The following CCDC138 variants were observed in gnomAD, a reference collection of about 807,000 sequenced individuals.
The protein encoded by CCDC138 is coiled-coil domain containing 138, also known as coiled-coil domain-containing protein 138.
Under a neutral mutation model 82.3 loss-of-function variants are expected in CCDC138, and 66 were observed. The ratio of observed to expected loss-of-function variants is 0.80; its 90% CI spans 0.66 to 0.98. The LOEUF is 0.98. Among genes scored for constraint, CCDC138 ranks in the 50% least tolerant of loss-of-function variants. CCDC138 has a pLI of 0.00. For missense variants in CCDC138, 816 were observed against 758.9 expected (o/e 1.08, Z -0.88); for synonymous variants, 297 against 265.4 (o/e 1.12, Z -1.16).
intron 10 of CCDC138, among the ~76,000 whole-genome samples, chr2:108,818,616 C>T (rs894736768): frequency 1.3e-5 from 2 of 152,090 alleles, no homozygotes; most frequent in East Asian, 1.9e-4. Flanking sequence ...TACTTGTGGC[C>T]ATCGCAAGCA....
At chr2:108,804,351 A>C (rs181246523) in intron 6 of CCDC138, among the ~76,000 whole-genome samples, 12 of 152,318 alleles carry the variant, frequency 7.9e-5, no homozygotes, top group African/African-American at 2.6e-4. Flanking sequence ...AGAGTCAAAT[A>C]GTTTGGGGCT....
intron 3 of CCDC138, 60 bp from the exon 4 acceptor site, chr2:108,791,615 A>G: frequency 6.4e-7 from 1 of 1,555,740 alleles, no homozygotes; most frequent in Non-Finnish European, 8.8e-7. Context: ...AAGCAGTTTT[A>G]TCTTTTTAAA....
At chr2:108,817,773 T>C (rs959130109) in intron 10 of CCDC138, among the ~76,000 whole-genome samples, 1 of 152,224 alleles carries the variant, frequency 6.6e-6, no homozygotes, top group Non-Finnish European at 1.5e-5. Context: ...TTTGGCTGGC[T>C]GAGACCCATT....
At chr2:108,812,502 A>G in intron 7 of CCDC138, 129 bp from the exon 8 acceptor site, 1 of 669,124 alleles carries the variant, frequency 1.5e-6, no homozygotes, top group Non-Finnish European at 2.6e-6. Context: ...TAAGTTAATC[A>G]TGAATGCTGT....
intron 13 of CCDC138, among the ~76,000 whole-genome samples, chr2:108,862,901 A>G (rs1016815571): frequency 1.3e-5 from 2 of 151,888 alleles, no homozygotes; most frequent in Non-Finnish European, 2.9e-5. Flanking sequence ...AAATATTACA[A>G]GGACATACTT....
Position 108,807,522 on chromosome 2 carries a change from C to T in CCDC138, c.855+2514C>T, listed in dbSNP as rs373730241. Among the ~76,000 whole-genome samples, 32 of 152,300 alleles carry T rather than the reference C, an allele frequency of 2.1e-4. No homozygotes were observed. The South Asian group carries it at 6.6e-3, about 32-fold the overall frequency. ...GTATTGGAAATATTCAAAATCCTCT[C>T]TTTATCTATGTGAAAATATACCATA... On this transcript the variant is annotated intron_variant, in intron 7 of 14. Coordinates refer to ENST00000295124, the MANE Select transcript of CCDC138 (RefSeq NM_144978.3).
chr2:108,856,836 TGAA>T lies in CCDC138; in HGVS notation c.1562_1564del (p.Lys521del), dbSNP rs1404224983. The stretch of plus-strand genomic sequence containing the variant: ...GCATTTGATTCTCTTTGTTTGGACT[TGAA>T]GACAGAAGAAGGAAAAACCTTGTTT... On this transcript the variant is annotated inframe_deletion, in exon 13 of 15. Transcript: ENST00000295124. 2 of 1,613,508 alleles carry T rather than the reference TGAA, an allele frequency of 1.2e-6. No homozygotes were observed. Among genetic ancestry groups the T allele is most frequent in the African/African-American group, 2.7e-5 (2 of 74,896 alleles).
At chr2:108,817,417 C>T (rs1231578537) in intron 10 of CCDC138, among the ~76,000 whole-genome samples, 1 of 152,062 alleles carries the variant, frequency 6.6e-6, no homozygotes, top group African/African-American at 2.4e-5. Flanking sequence ...CTCAGTCTCC[C>T]AAGTAGCTGA....
chr2:108,804,355 T>G (rs1316316504), intron 6 of CCDC138, among the ~76,000 whole-genome samples: 1 of 152,194 alleles, frequency 6.6e-6, no homozygotes, highest in Non-Finnish European at 1.5e-5. Context: ...TCAAATAGTT[T>G]GGGGCTAAGA....
intron 13 of CCDC138, among the ~76,000 whole-genome samples, chr2:108,870,395 T>G (rs1396462446): frequency 6.6e-6 from 1 of 152,158 alleles, no homozygotes; most frequent in Non-Finnish European, 1.5e-5. Context: ...GTTGATGCAT[T>G]ACTGGAGTCC....
At chr2:108,879,514 C>A (rs372175456), downstream of CCDC138, among the ~76,000 whole-genome samples, 2 of 152,098 alleles carry the variant, frequency 1.3e-5, no homozygotes, top group African/African-American at 4.8e-5. Context: ...GAAATTAATA[C>A]CAACTGCATA....
intron 5 of CCDC138, among the ~76,000 whole-genome samples, chr2:108,797,325 G>A (rs1333405803): frequency 6.6e-6 from 1 of 152,170 alleles, no homozygotes; most frequent in Non-Finnish European, 1.5e-5. Context: ...ACCAATGAAG[G>A]AGAGCATTTT....
chr2:108,880,981 G>C (rs1016038949), downstream of CCDC138, among the ~76,000 whole-genome samples: 1 of 152,212 alleles, frequency 6.6e-6, no homozygotes, highest in Admixed American at 6.5e-5. Context: ...CAGGAATTTG[G>C]AAAGAGTTGA....
intron 13 of CCDC138, among the ~76,000 whole-genome samples, chr2:108,870,202 A>G (rs1695016247): frequency 1.3e-5 from 2 of 152,240 alleles, no homozygotes; most frequent in Non-Finnish European, 1.5e-5. Context: ...GAACTGGAAA[A>G]TACAGTAGCT....
chr2:108,828,704 C>T (rs751748980), intron 10 of CCDC138, among the ~76,000 whole-genome samples: 25 of 152,092 alleles, frequency 1.6e-4, no homozygotes, highest in African/African-American at 5.6e-4. Flanking sequence ...CTCGGCTGGG[C>T]GTGGTGGTTC....
rs567231713 is a variant in CCDC138 at position 108,848,962 on chromosome 2, A to G, written c.1516+2032A>G. On this transcript the variant is annotated intron_variant, in intron 12 of 14. Coordinates refer to ENST00000295124, the MANE Select transcript of CCDC138 (RefSeq NM_144978.3). ...TAGACAAGTCTTTACTGCAGTTATTATAACTATATCCCTGTGTTCAAGAAG... is the reference window on the plus strand; with the variant it reads ...TAGACAAGTCTTTACTGCAGTTATTGTAACTATATCCCTGTGTTCAAGAAG... Among the ~76,000 whole-genome samples, 7 of 152,344 alleles carry G rather than the reference A, an allele frequency of 4.6e-5. No homozygotes were observed. The East Asian group carries it at 9.6e-4, about 21-fold the overall frequency.
At chr2:108,831,060 A>G (rs1279118097) in intron 10 of CCDC138, among the ~76,000 whole-genome samples, 9 of 152,088 alleles carry the variant, frequency 5.9e-5, no homozygotes, top group Admixed American at 5.9e-4. Context: ...CTGTAATCCC[A>G]GCTACTCATG....
intron 7 of CCDC138, 147 bp from the exon 8 acceptor site, chr2:108,812,484 T>C (rs1466938949): frequency 1.6e-6 from 1 of 608,224 alleles, no homozygotes; most frequent in Non-Finnish European, 2.9e-6. Context: ...ACAACTTCAG[T>C]TGTGATCTAA....
chr2:108,872,061 T>C (rs995093993), intron 13 of CCDC138, among the ~76,000 whole-genome samples: 1 of 152,254 alleles, frequency 6.6e-6, no homozygotes, highest in Non-Finnish European at 1.5e-5. Flanking sequence ...TGTTTGAGAA[T>C]GCCTGAGGCT....
Sources: gnomAD v4.1 joint callset for allele counts (sites outside exome capture counted in the v4.1 genomes callset) on GRCh38, gnomAD v4.1.1 for gene constraint, MANE v1.5 for transcripts, NCBI Gene and HGNC (gene_info 2026-07-23, HGNC 2026-07-21) for gene names.